Variants in GRIK5 observed in about 807,000 individuals in gnomAD.
The protein encoded by GRIK5 is glutamate receptor ionotropic, kainate 5.
A neutral mutation model predicts 97.4 loss-of-function variants in GRIK5; 43 were observed. The observed-to-expected ratio is 0.44, with a 90% CI of 0.35 to 0.57. GRIK5 has a LOEUF of 0.57. Among genes scored for constraint, GRIK5 ranks in the 20% least tolerant of loss-of-function variants. The pLI, the probability that GRIK5 is intolerant of heterozygous loss-of-function variation, is 0.01. For synonymous variants in GRIK5, 580 were observed against 583.5 expected, an observed-to-expected ratio of 0.99 and a Z score of 0.09; for missense variants, 1,015 against 1,382.0, an observed-to-expected ratio of 0.73 and a Z score of 4.21.
chr19:42,054,324 C>A lies in GRIK5; in HGVS notation c.1052G>T (p.Arg351Leu), dbSNP rs964530160. ...CCCATCCCCGCTCGGGCTCACCATG[C>A]GCAGGTAGTTCATGAGGCTGGTCCC... Reference protein sequence around the residue: ...PHGTSLMNYLRMVEYDGLTGR... With the variant: ...PHGTSLMNYLLMVEYDGLTGR... Residue 351 changes from arginine (R) to leucine (L), a missense_variant, in exon 9 of 20, where the codon CGC (arginine) becomes CTC (leucine). Arg to Leu is a moderately radical substitution (Grantham distance 102, BLOSUM62 -2). This residue lies in a region of GRIK5 where 477 missense variants were observed against 701.1 expected (regional missense o/e 0.68). Transcript: ENST00000593562. 3 of 1,609,152 alleles carry A rather than the reference C, an allele frequency of 1.9e-6. No individual in the cohort carries two copies. Among genetic ancestry groups the A allele is most frequent in the Non-Finnish European group, 2.5e-6 (3 of 1,177,398 alleles).
chr19:42,066,534 G>A (rs560245979), intron 1 of GRIK5, among the ~76,000 whole-genome samples: 1 of 151,716 alleles, frequency 6.6e-6, no homozygotes, highest in South Asian at 2.1e-4. Context: ...GAGAGGCTTA[G>A]AGAAGGGAAA....
chr19:42,004,985 C>T (rs2075468047), intron 17 of GRIK5, among the ~76,000 whole-genome samples: 1 of 152,134 alleles, frequency 6.6e-6, no homozygotes, highest in South Asian at 2.1e-4. Flanking sequence ...TACACTGCCT[C>T]CCTGGCACCG....
chr19:42,021,844 G>A lies in GRIK5; in HGVS notation c.1697+103C>T, dbSNP rs1209214910. ...GCACAGGGAATCCGAGGCCCCAAAG[G>A]GGAGGCCAAGGACAGTTCCGAGAGA... is the stretch of plus-strand genomic sequence containing the variant. On this transcript the variant is annotated intron_variant, in intron 14 of 19. Transcript: ENST00000593562. This position sits in a 1 kb window ranked among gnomAD's most constrained non-coding sequence, Gnocchi z 4.2. The A allele has an allele frequency of 2.0e-5, 14 of 706,672 alleles. No individual in the cohort carries two copies. The highest frequency in any genetic ancestry group is 9.0e-5 in the South Asian group (5 of 55,456). The allele number at this position is 706,672 out of a possible 1,614,324, so 43.8% of individuals were successfully genotyped here. A position where few individuals can be genotyped will look rare whatever the true frequency, so the allele number is the denominator to read the frequency against.
intron 19 of GRIK5, among the ~76,000 whole-genome samples, chr19:42,001,192 C>T (rs1599737394): frequency 2.0e-5 from 3 of 152,300 alleles, no homozygotes; most frequent in Admixed American, 2.0e-4. Context: ...TAAGCTGTTT[C>T]CCCTTCTCCT....
chr19:42,037,743 G>T (rs146295017), intron 12 of GRIK5, among the ~76,000 whole-genome samples: 4 of 152,268 alleles, frequency 2.6e-5, no homozygotes, highest in African/African-American at 9.6e-5. Context: ...GTAGAAGAGC[G>T]TCCCCTCACC....
At chr19:42,061,345 T>C (rs1360189867) in intron 5 of GRIK5, among the ~76,000 whole-genome samples, 2 of 151,642 alleles carry the variant, frequency 1.3e-5, no homozygotes, top group Non-Finnish European at 2.9e-5. Context: ...CGCCCGGCCA[T>C]AAATACCTTT....
At chr19:42,035,659 A>G (rs1418940708) in intron 12 of GRIK5, among the ~76,000 whole-genome samples, 1 of 152,168 alleles carries the variant, frequency 6.6e-6, no homozygotes, top group Non-Finnish European at 1.5e-5. Flanking sequence ...GCAGTGAGCC[A>G]AGATCGTGCC....
intron 5 of GRIK5, among the ~76,000 whole-genome samples, chr19:42,061,208 C>T (rs1300040050): frequency 2.0e-4 from 31 of 152,268 alleles, no homozygotes; most frequent in African/African-American, 7.5e-4. Flanking sequence ...CCACCACACC[C>T]GGCTAACTTT....
intron 12 of GRIK5, among the ~76,000 whole-genome samples, chr19:42,036,578 A>G (rs1282042721): frequency 6.6e-6 from 1 of 151,382 alleles, no homozygotes; most frequent in East Asian, 1.9e-4. Flanking sequence ...TTGGTCTTGA[A>G]CTCCTGGGCT....
At chr19:42,067,395 T>C (rs958532956) in intron 1 of GRIK5, among the ~76,000 whole-genome samples, 10 of 151,486 alleles carry the variant, frequency 6.6e-5, no homozygotes, top group Admixed American at 2.0e-4. Context: ...AAGAAGAGAG[T>C]GCTAGGTGGG....
chr19:42,021,440 A>G lies in GRIK5; in HGVS notation c.1732T>C (p.Cys578Arg). The stretch of plus-strand genomic sequence containing the variant: ...AGGATGTGGGGGCGTGCCCGCAGGC[A>G]TGGGTGTGGGTTATACCACTCATAG... ...SPYEWYNPHP[C>R]LRARPHILEN... Residue 578 changes from cysteine (C) to arginine (R), a missense_variant, in exon 15 of 20, where the codon TGC (cysteine) becomes CGC (arginine). By Grantham distance (180) the Cys-to-Arg change is radical (BLOSUM62 -3). Transcript: ENST00000593562. This position sits in a 1 kb window ranked among gnomAD's most constrained non-coding sequence, Gnocchi z 4.2. 1 of 1,603,904 alleles carries G rather than the reference A, an allele frequency of 6.2e-7. No individual in the cohort carries two copies.
chr19:42,039,395 C>A (rs1462000874), intron 12 of GRIK5, among the ~76,000 whole-genome samples: 1 of 152,224 alleles, frequency 6.6e-6, no homozygotes, highest in African/African-American at 2.4e-5. Flanking sequence ...ATCATTTGAA[C>A]CCACGAGGCA....
chr19:42,012,408 G>A (rs997617290), intron 15 of GRIK5, among the ~76,000 whole-genome samples: 5 of 151,986 alleles, frequency 3.3e-5, no homozygotes, highest in Non-Finnish European at 5.9e-5. Context: ...ACACTGCCAC[G>A]CCTGGCTAAT....
intron 15 of GRIK5, among the ~76,000 whole-genome samples, chr19:42,016,607 T>G (rs1011705442): frequency 6.6e-6 from 1 of 152,080 alleles, no homozygotes; most frequent in Non-Finnish European, 1.5e-5. Context: ...ATGAGCTCTG[T>G]TTTGCACAAG....
Position 42,038,644 on chromosome 19 carries a change from G to A in GRIK5, c.1473+3908C>T, listed in dbSNP as rs757205288. Among the ~76,000 whole-genome samples, 16 of 152,336 alleles carry A rather than the reference G, an allele frequency of 1.1e-4. 1 individual carries two copies. Among genetic ancestry groups the A allele is most frequent in the East Asian group, 7.7e-4 (4 of 5,188 alleles). On this transcript the variant is annotated intron_variant, in intron 12 of 19. Transcript: ENST00000593562. The stretch of plus-strand genomic sequence containing the variant: ...CCAGCTGGAGGGCTGGAAAGGGCAC[G>A]GGCCTTAAGTCAGACACACCTGGCT...
chr19:42,004,725 G>A (rs1555871938), intron 17 of GRIK5, among the ~76,000 whole-genome samples: 1 of 152,154 alleles, frequency 6.6e-6, no homozygotes, highest in Non-Finnish European at 1.5e-5. Flanking sequence ...GGGCTCAAGC[G>A]ATCCTCCTAC....
rs1401136982 is a variant in GRIK5 at position 42,062,703 on chromosome 19, T to G, written c.343-50A>C. On this transcript the variant is annotated intron_variant, in intron 4 of 19. Coordinates refer to ENST00000593562, the MANE Select transcript of GRIK5 (RefSeq NM_002088.5). The surrounding 1 kb of genome is among the most constrained non-coding windows in gnomAD (Gnocchi z 5.3). ...TCCATCCTGCTTCTCCGCCCAGCCC[T>G]CGCCTCCCAGGGACCCGCTCCCCAC... 1.9e-6 allele frequency: 3 copies of G among 1,613,022 alleles called. No homozygotes were observed. The highest frequency in any genetic ancestry group is 2.5e-6 in the Non-Finnish European group (3 of 1,179,170).
intron 6 of GRIK5, among the ~76,000 whole-genome samples, chr19:42,059,049 A>G (rs1338624072): frequency 6.6e-6 from 1 of 151,862 alleles, no homozygotes; most frequent in East Asian, 1.9e-4. Flanking sequence ...TGTTCTGTAC[A>G]CACCACAGTC....
intron 3 of GRIK5, chr19:42,063,623 G>A: frequency 3.5e-6 from 1 of 289,496 alleles, no homozygotes; most frequent in Non-Finnish European, 6.8e-6. Flanking sequence ...CTGGTGAGAT[G>A]TAAGCTTGGT....
Sources: gnomAD v4.1 joint callset for allele counts (sites outside exome capture counted in the v4.1 genomes callset) on GRCh38, gnomAD v4.1.1 for gene constraint, gnomAD v4.1.1 regional missense constraint, Gnocchi (gnomAD v3.1) non-coding constraint, MANE v1.5 for transcripts, NCBI Gene and HGNC (gene_info 2026-07-23, HGNC 2026-07-21) for gene names.